Variants in CPSF1 observed in about 807,000 individuals in gnomAD.
CPSF1 encodes the protein cleavage and polyadenylation specificity factor subunit 1.
In CPSF1, 106 loss-of-function variants were observed where a neutral mutation model predicts 175.8. The observed-to-expected ratio is 0.60, with a 90% CI of 0.52 to 0.71. The LOEUF (loss-of-function observed/expected upper bound fraction) is 0.71. Ranked by LOEUF, CPSF1 falls within the 30% of genes least tolerant of loss-of-function variation. The probability of loss-of-function intolerance (pLI) is 0.00; values close to 1 mark genes in which losing one functional copy is unlikely to be tolerated. For missense variants in CPSF1, 1,734 were observed against 2,022.9 expected, an observed-to-expected ratio of 0.86 and a Z score of 2.74; for synonymous variants, 1,024 against 858.3, an observed-to-expected ratio of 1.19 and a Z score of -3.37.
At position 144,393,947 on chromosome 8, in the gene CPSF1, C is replaced by T; in HGVS notation, c.3951G>A (p.Arg1317=). ...HVNTFWRTPC[R]GATEGLSKKS... ...TTTTGCTGAGCCCTTCAGTGGCCCC[C>T]CGGCACGGGGTCCTCCAGAACGTGT... Residue 1317 remains arginine (R), a synonymous_variant, in exon 35 of 38, where the codon CGG becomes CGA. Coordinates refer to ENST00000616140, the MANE Select transcript of CPSF1 (RefSeq NM_013291.3). 1 of 1,613,674 alleles carries T rather than the reference C, an allele frequency of 6.2e-7. No individual in the cohort carries two copies. Among genetic ancestry groups the T allele is most frequent in the Non-Finnish European group, 8.5e-7 (1 of 1,179,892 alleles).
intron 2 of CPSF1, among the ~76,000 whole-genome samples, chr8:144,402,494 A>G (rs1205489056): frequency 6.6e-6 from 1 of 151,978 alleles, no homozygotes; most frequent in Non-Finnish European, 1.5e-5. Flanking sequence ...TAGTAGAGAC[A>G]GGGTTTCACC....
At chr8:144,396,521 G>C (rs1436399387) in intron 25 of CPSF1, 21 bp from the exon 26 acceptor site, 1 of 1,610,850 alleles carries the variant, frequency 6.2e-7, no homozygotes, top group Non-Finnish European at 8.5e-7. Context: ...GCACCGTGAG[G>C]ATGCTGTGGA....
chr8:144,400,256 C>CT lies in CPSF1; in HGVS notation c.846_847insA (p.Val283SerfsTer81). 1.9e-6 allele frequency: 3 copies of CT among 1,597,180 alleles called. No homozygotes were observed. Among genetic ancestry groups the CT allele is most frequent in the Non-Finnish European group, 2.6e-6 (3 of 1,169,602 alleles). Reference sequence around the variant, plus strand: ...TGGTTCAGGTACAACAGCGAGTTGACGGCAAACACCACCACCCCACCTGGA... The same window carrying CT: ...TGGTTCAGGTACAACAGCGAGTTGACTGGCAAACACCACCACCCCACCTGGA... On this transcript the variant is annotated frameshift_variant, in exon 9 of 38. Transcript: ENST00000616140. LOFTEE classifies it high-confidence loss of function.
chr8:144,401,129 C>G, intron 5 of CPSF1, 54 bp from the exon 6 acceptor site: 1 of 1,595,920 alleles, frequency 6.3e-7, no homozygotes, highest in South Asian at 1.1e-5. Context: ...CCGAGGGAAA[C>G]ACTTGGGGCC....
intron 32 of CPSF1, 37 bp from the exon 33 acceptor site, chr8:144,394,337 C>G (rs781909110): frequency 1.3e-6 from 2 of 1,585,632 alleles, no homozygotes; most frequent in Admixed American, 1.7e-5. Flanking sequence ...GTGCCTTGGG[C>G]GGGTACCCAC....
Position 144,394,359 on chromosome 8 carries a change from CA to C in CPSF1, c.3744+19del, listed in dbSNP as rs1820566477. ...GGGCGGGTACCCACCCAGACACGAG[CA>C]CCGCCGCCACAGGTGTACCCGCGAC... On this transcript the variant is annotated intron_variant, in intron 32 of 37. Coordinates refer to ENST00000616140, the MANE Select transcript of CPSF1 (RefSeq NM_013291.3). The C allele has an allele frequency of 1.3e-6, 2 of 1,590,906 alleles. No individual in the cohort carries two copies. The highest frequency in any genetic ancestry group is 8.6e-7 in the Non-Finnish European group (1 of 1,166,964).
chr8:144,396,977 A>G, intron 23 of CPSF1, 48 bp from the exon 24 acceptor site: 2 of 1,408,210 alleles, frequency 1.4e-6, no homozygotes, highest in African/African-American at 2.8e-5. Flanking sequence ...GCCATGGAGA[A>G]CATGGGATGG....
In CPSF1 at chr8:144,399,181, T is replaced by C. The variant is rs202215574; in HGVS notation, c.1414A>G (p.Ile472Val). ...ACGGCGGCATTGGCACAGGGTCCAA[T>C]GTTCAGGATGCTGTCACACACCTGC... ...SFEVCDSILN[I>V]GPCANAAVGE... The change falls in exon 15 of 38, where the codon ATT (isoleucine) becomes GTT (valine). Residue 472 changes from isoleucine to valine, a missense_variant. Physicochemically the swap from Ile to Val is conservative, Grantham distance 29. Coordinates refer to ENST00000616140, the MANE Select transcript of CPSF1 (RefSeq NM_013291.3). This position sits in a 1 kb window ranked among gnomAD's most constrained non-coding sequence, Gnocchi z 6.4. 111 of 1,606,138 alleles carry C rather than the reference T, an allele frequency of 6.9e-5. No individual in the cohort carries two copies. The highest frequency in any genetic ancestry group is 8.6e-5 in the Non-Finnish European group (101 of 1,177,198).
rs1820571320 is a variant in CPSF1 at position 144,394,420 on chromosome 8, G to A, written c.3703C>T (p.Arg1235Cys). 2.5e-6 allele frequency: 4 copies of A among 1,608,274 alleles called. No individual in the cohort carries two copies. The highest frequency in any genetic ancestry group is 3.4e-6 in the Non-Finnish European group (4 of 1,177,970). The change falls in exon 32 of 38, where the codon CGC (arginine) becomes TGC (cysteine). Residue 1235 changes from arginine (R) to cysteine (C), a missense_variant. Around this residue, in one of 10 missense-constraint regions of CPSF1, gnomAD observed 323 missense variants for 338.5 expected, o/e 0.95. Transcript: ENST00000616140. ...ADVMKSISLL[R>C]YQEESKTLSL... is the part of the protein sequence containing the mutation. ...AGCGTCTTGCTTTCCTCCTGGTAGC[G>A]CAGCAGCGAAATGCTCTTCATGACG...
rs958689975 is a variant in CPSF1, at chr8:144,396,260, G to C, written c.2979+88C>G. Reference sequence around the variant, plus strand: ...ACTCCTTCCTGGTCCTCAGGGTGGAGCCAATGGTCCCTTCTCCTGTCCCCT... The same window carrying C: ...ACTCCTTCCTGGTCCTCAGGGTGGACCCAATGGTCCCTTCTCCTGTCCCCT... On this transcript the variant is annotated intron_variant, in intron 26 of 37. Transcript: ENST00000616140. 2.1e-5 allele frequency: 29 copies of C among 1,352,426 alleles called. No homozygotes were observed. The South Asian group carries it at 3.9e-4, about 18-fold the overall frequency. 83.8% of individuals were successfully genotyped at this position (1,352,426 alleles called of 1,614,324 possible).
Position 144,400,718 on chromosome 8 carries a change from G to C in CPSF1, c.639C>G (p.Tyr213Ter). Residue 213 changes from tyrosine to a stop codon, truncating the protein, a stop_gained, in exon 7 of 38, where the codon TAC becomes TAG. Transcript: ENST00000616140. LOFTEE classifies it high-confidence loss of function. ...IIDLQFLHGY[Y>*]EPTLLILFEP... is the part of the protein sequence containing the mutation. ...CAAACAGGATGAGGAGGGTAGGCTC[G>C]TAGTAGCCATGCAGGAACTGCAGGT... is the stretch of plus-strand genomic sequence containing the variant. 2 of 1,612,684 alleles carry C rather than the reference G, an allele frequency of 1.2e-6. No individual in the cohort carries two copies. Among genetic ancestry groups the C allele is most frequent in the Non-Finnish European group, 1.7e-6 (2 of 1,179,492 alleles).
chr8:144,399,994 C>T lies in CPSF1; in HGVS notation c.1029G>A (p.Glu343=). Residue 343 remains glutamate, a splice_region_variant and synonymous_variant, in exon 10 of 38, where the codon GAG becomes GAA. Coordinates refer to ENST00000616140, the MANE Select transcript of CPSF1 (RefSeq NM_013291.3). This position sits in a 1 kb window ranked among gnomAD's most constrained non-coding sequence, Gnocchi z 6.4. ...TCATGGGCGGGGGAGGGGCTCACAT[C>T]TCGCCGCCCTTGAGGGAGATGACCA... The part of the protein sequence containing the change: ...DKMVISLKGG[E]IYVLTLITDG... The T allele has an allele frequency of 3.1e-6, 5 of 1,611,842 alleles. No homozygotes were observed. Among genetic ancestry groups the T allele is most frequent in the Non-Finnish European group, 4.2e-6 (5 of 1,179,718 alleles).
At position 144,393,717 on chromosome 8, in the gene CPSF1, C is replaced by A; in HGVS notation, c.4095G>T (p.Ala1365=). 1 of 1,568,502 alleles carries A rather than the reference C, an allele frequency of 6.4e-7. No individual in the cohort carries two copies. The part of the protein sequence containing the change: ...TYRRLLMLQN[A]LTTMLPHHAG... ...CGTGGTGTGGCAGCATGGTGGTCAG[C>A]GCGTTCTGCAGCATCAGCAGCCGCC... The change falls in exon 36 of 38, where the codon GCG becomes GCT. Residue 1365 remains alanine (A), a synonymous_variant. Coordinates refer to ENST00000616140, the MANE Select transcript of CPSF1 (RefSeq NM_013291.3).
chr8:144,396,224 G>A (rs576700290), intron 26 of CPSF1, 124 bp downstream of exon 26: 18 of 1,023,922 alleles, frequency 1.8e-5, no homozygotes, highest in Admixed American at 2.5e-5. Context: ...CAACCCCATC[G>A]CCCTCTGGAC....
Position 144,394,397 on chromosome 8 carries a change from C to T in CPSF1, c.3726G>A (p.Thr1242=), listed in dbSNP as rs200044572. The T allele has an allele frequency of 2.5e-5, 40 of 1,608,614 alleles. No homozygotes were observed. Among genetic ancestry groups the T allele is most frequent in the Non-Finnish European group, 3.2e-5 (38 of 1,177,908 alleles). The change falls in exon 32 of 38, where the codon ACG becomes ACA. Residue 1242 remains threonine (T), a synonymous_variant. Transcript: ENST00000616140. ...GGTGTACCCGCGACACCAGGCTCAG[C>T]GTCTTGCTTTCCTCCTGGTAGCGCA... The part of the protein sequence containing the change: ...SLLRYQEESK[T]LSLVSRDAKP...
At chr8:144,397,058 C>CG (rs1820812171) in intron 23 of CPSF1, 129 bp from the exon 24 acceptor site, 2 of 421,118 alleles carry the variant, frequency 4.7e-6, no homozygotes, top group East Asian at 8.4e-5. Context: ...TGGGAAGGGG[C>CG]GGGGCTGTGA....
At chr8:144,397,012 G>A in intron 23 of CPSF1, 83 bp from the exon 24 acceptor site, 1 of 1,052,754 alleles carries the variant, frequency 9.5e-7, no homozygotes, top group Non-Finnish European at 1.4e-6. Context: ...TGGGCTGTGG[G>A]TAAGGGGCGG....
In CPSF1 at chr8:144,400,242, C is replaced by T. The variant is rs1564693809; in HGVS notation, c.861G>A (p.Leu287=). ...GVVVFAVNSL[L]YLNQSVPPYG... is the part of the protein sequence containing the mutation. ...ACGGGGGGACGCTCTGGTTCAGGTA[C>T]AACAGCGAGTTGACGGCAAACACCA... Residue 287 remains leucine, a synonymous_variant, in exon 9 of 38, where the codon TTG becomes TTA. Coordinates refer to ENST00000616140, the MANE Select transcript of CPSF1 (RefSeq NM_013291.3). The T allele has an allele frequency of 6.3e-7, 1 of 1,591,194 alleles. No individual in the cohort carries two copies. Among genetic ancestry groups the T allele is most frequent in the Non-Finnish European group, 8.6e-7 (1 of 1,167,490 alleles).
chr8:144,394,403 G>T lies in CPSF1; in HGVS notation c.3720C>A (p.Ser1240Arg), dbSNP rs1820569929. 1 of 1,609,368 alleles carries T rather than the reference G, an allele frequency of 6.2e-7. No homozygotes were observed. The highest frequency in any genetic ancestry group is 1.3e-5 in the African/African-American group (1 of 74,890). Residue 1240 changes from serine (S) to arginine (R), a missense_variant, in exon 32 of 38, where the codon AGC (serine) becomes AGA (arginine). Transcript: ENST00000616140. The stretch of plus-strand genomic sequence containing the variant: ...CCCGCGACACCAGGCTCAGCGTCTT[G>T]CTTTCCTCCTGGTAGCGCAGCAGCG... ...SISLLRYQEE[S>R]KTLSLVSRDA... is the part of the protein sequence containing the mutation.
Sources: allele counts gnomAD v4.1 joint callset (sites outside exome capture counted in the v4.1 genomes callset), GRCh38; gene constraint gnomAD v4.1.1; regional missense constraint gnomAD v4.1.1; non-coding constraint Gnocchi (gnomAD v3.1); transcripts MANE v1.5; gene names NCBI Gene and HGNC (gene_info 2026-07-23, HGNC 2026-07-21).